The following AKAP19 variants were observed in gnomAD, a reference collection of about 807,000 sequenced individuals.
AKAP19 encodes the protein small A-kinase anchoring protein.
chr2:190,198,517 A>T, the AKAP19 span, among the ~76,000 whole-genome samples: 5 of 151,420 alleles, frequency 3.3e-5, no homozygotes, highest in Non-Finnish European at 5.9e-5. Flanking sequence ...CCTGCAGGCC[A>T]GCTACTCAGT....
At chr2:190,164,779 T>C in the AKAP19 span, among the ~76,000 whole-genome samples, 8 of 152,208 alleles carry the variant, frequency 5.3e-5, no homozygotes, top group African/African-American at 1.9e-4. Flanking sequence ...AAAACTTTCA[T>C]AGGCTAAAAA....
At chr2:190,154,463 A>T in the AKAP19 span, among the ~76,000 whole-genome samples, 5 of 152,246 alleles carry the variant, frequency 3.3e-5, no homozygotes, top group Admixed American at 6.5e-5. Context: ...GTACACAGAT[A>T]TTCATAACTA....
At chr2:190,050,468 G>A in the AKAP19 span, among the ~76,000 whole-genome samples, 5 of 152,156 alleles carry the variant, frequency 3.3e-5, no homozygotes, top group African/African-American at 1.2e-4. Flanking sequence ...ACAGTGTAGA[G>A]TGTTTATTTC....
chr2:190,117,703 A>C, the AKAP19 span, among the ~76,000 whole-genome samples: 7 of 152,352 alleles, frequency 4.6e-5, no homozygotes, highest in East Asian at 1.2e-3. Flanking sequence ...GATAGCAATA[A>C]ACTTCGCTTG....
At chr2:190,091,601 C>T in the AKAP19 span, among the ~76,000 whole-genome samples, 2 of 149,938 alleles carry the variant, frequency 1.3e-5, no homozygotes, top group African/African-American at 4.9e-5. Context: ...CTGAAGAGGC[C>T]ATGTAATCTA....
chr2:189,948,369 T>TG, the AKAP19 span, among the ~76,000 whole-genome samples: 1 of 151,852 alleles, frequency 6.6e-6, no homozygotes, highest in Non-Finnish European at 1.5e-5. Context: ...ATGCCTGTTT[T>TG]TTTTGCATTT....
chr2:190,149,712 A>G, the AKAP19 span, among the ~76,000 whole-genome samples: 4 of 152,254 alleles, frequency 2.6e-5, no homozygotes, highest in African/African-American at 9.6e-5. Flanking sequence ...GTTTTCTTAA[A>G]TTGATTGAGG....
At chr2:189,888,436 TC>T in the AKAP19 span, among the ~76,000 whole-genome samples, 1 of 152,206 alleles carries the variant, frequency 6.6e-6, no homozygotes, top group Non-Finnish European at 1.5e-5. Context: ...CTTTTCAGGC[TC>T]TTTTTTGAAA....
the AKAP19 span, among the ~76,000 whole-genome samples, chr2:189,944,894 C>T: frequency 6.6e-6 from 1 of 152,092 alleles, no homozygotes; most frequent in Non-Finnish European, 1.5e-5. Flanking sequence ...TATCAAGTAT[C>T]TTTTCTGACC....
the AKAP19 span, among the ~76,000 whole-genome samples, chr2:190,072,692 A>C: frequency 0.32 from 49,304 of 152,038 alleles, 10,905 homozygotes; most frequent in African/African-American, 0.63. Context: ...AAAAATGAAT[A>C]GTCAAAATAA....
chr2:189,883,184 G>T, the AKAP19 span, among the ~76,000 whole-genome samples: 1 of 152,066 alleles, frequency 6.6e-6, no homozygotes, highest in African/African-American at 2.4e-5. Flanking sequence ...TGAGAGTCTG[G>T]GGTGGGACTG....
the AKAP19 span, chr2:190,059,935 G>A: frequency 3.3e-5 from 30 of 915,170 alleles, no homozygotes; most frequent in South Asian, 2.0e-4. Context: ...CAGGGCTACC[G>A]TTGGGGTAAG....
At chr2:190,185,159 C>A in the AKAP19 span, among the ~76,000 whole-genome samples, 8 of 152,180 alleles carry the variant, frequency 5.3e-5, no homozygotes, top group African/African-American at 1.9e-4. Context: ...CAGTGCACAG[C>A]ACTTAACACT....
chr2:190,127,378 C>T, the AKAP19 span, among the ~76,000 whole-genome samples: 3 of 151,246 alleles, frequency 2.0e-5, no homozygotes, highest in Admixed American at 6.6e-5. Context: ...ACCGCACATC[C>T]CCAAATGACC....
At chr2:189,979,201 C>T in the AKAP19 span, among the ~76,000 whole-genome samples, 1 of 152,014 alleles carries the variant, frequency 6.6e-6, no homozygotes, top group African/African-American at 2.4e-5. Context: ...GCTATAGTAA[C>T]CAAAACAACA....
At chr2:189,983,950 T>G in the AKAP19 span, among the ~76,000 whole-genome samples, 1 of 152,146 alleles carries the variant, frequency 6.6e-6, no homozygotes, top group Non-Finnish European at 1.5e-5. Flanking sequence ...CCAGCAAGTT[T>G]TTTTTAGGAA....
the AKAP19 span, among the ~76,000 whole-genome samples, chr2:190,174,958 C>T: frequency 6.6e-6 from 1 of 151,982 alleles, no homozygotes; most frequent in Non-Finnish European, 1.5e-5. Context: ...TTCATGCCTT[C>T]CTTGTGTCAG....
chr2:190,181,192 T>C, the AKAP19 span: 2 of 977,122 alleles, frequency 2.0e-6, no homozygotes, highest in Non-Finnish European at 2.4e-6. Context: ...CTTTTAGATT[T>C]TTCAATGGCA....
At chr2:190,162,408 G>C in the AKAP19 span, among the ~76,000 whole-genome samples, 1 of 152,054 alleles carries the variant, frequency 6.6e-6, no homozygotes, top group Non-Finnish European at 1.5e-5. Flanking sequence ...CCAAAATAAC[G>C]TTGAATATAT....
Sources: gnomAD v4.1 joint callset for allele counts (sites outside exome capture counted in the v4.1 genomes callset) on GRCh38, gnomAD v4.1.1 for gene constraint, MANE v1.5 for transcripts, NCBI Gene and HGNC (gene_info 2026-07-23, HGNC 2026-07-21) for gene names.